Variants in ZNF248 observed in about 807,000 individuals in gnomAD.
ZNF248 encodes zinc finger protein 248.
ZNF248 carries 20 observed loss-of-function variants against 44.3 expected under a neutral mutation model. The observed-to-expected ratio is 0.45, with a 90% CI of 0.32 to 0.66. ZNF248 has a LOEUF of 0.66. Among genes scored for constraint, ZNF248 ranks in the 30% least tolerant of loss-of-function variants. ZNF248 has a pLI of 0.04. For missense variants in ZNF248, 654 were observed against 677.0 expected (o/e 0.97, Z 0.38); for synonymous variants, 224 against 229.0 (o/e 0.98, Z 0.20).
chr10:37,810,428 CTTT>C (rs1356239722), intron 6 of ZNF248, among the ~76,000 whole-genome samples: 1 of 152,082 alleles, frequency 6.6e-6, no homozygotes, highest in African/African-American at 2.4e-5. Context: ...CAATATCCTT[CTTT>C]ATCTCTTGTG....
In ZNF248 at chr10:37,832,117, C is replaced by CA; in HGVS notation, c.1237dup (p.Cys413LeufsTer25). 1 of 1,613,984 alleles carries CA rather than the reference C, an allele frequency of 6.2e-7. No individual in the cohort carries two copies. The highest frequency in any genetic ancestry group is 1.1e-5 in the South Asian group (1 of 91,074). ...TGGTTTCTGGCAAAAGGCTTTCCCA[C>CA]ATTCAGTACATTCATAGGGCTTCTC... On this transcript the variant is annotated frameshift_variant, in exon 6 of 6. Transcript: ENST00000395867. LOFTEE classifies it high-confidence loss of function.
chr10:37,822,425 T>A (rs969394589), intron 6 of ZNF248, among the ~76,000 whole-genome samples: 12 of 151,916 alleles, frequency 7.9e-5, no homozygotes, highest in Non-Finnish European at 1.3e-4. Context: ...TGAAAAAAAA[T>A]TCAGAAAACA....
chr10:37,835,818 T>C (rs963086142), intron 5 of ZNF248, among the ~76,000 whole-genome samples: 1 of 152,198 alleles, frequency 6.6e-6, no homozygotes, highest in African/African-American at 2.4e-5. Flanking sequence ...TCTGCCTCAT[T>C]CCTTTAACAT....
intron 6 of ZNF248, among the ~76,000 whole-genome samples, chr10:37,822,181 A>C (rs1564535616): frequency 6.6e-6 from 1 of 152,214 alleles, no homozygotes; most frequent in Admixed American, 6.5e-5. Context: ...CTCTCCCTGG[A>C]GGCCTTGCCC....
chr10:37,771,804 C>G (rs1214638722), downstream of ZNF248, among the ~76,000 whole-genome samples: 1 of 151,974 alleles, frequency 6.6e-6, no homozygotes, highest in African/African-American at 2.4e-5. Context: ...AAAAAACAAT[C>G]GATGCACACC....
chr10:37,847,881 T>C (rs948738377), intron 3 of ZNF248, among the ~76,000 whole-genome samples: 2 of 152,182 alleles, frequency 1.3e-5, no homozygotes, highest in African/African-American at 4.8e-5. Flanking sequence ...TTTGTGTAAG[T>C]TTGCAATTTT....
chr10:37,791,331 C>T (rs906238403), intron 6 of ZNF248, among the ~76,000 whole-genome samples: 3 of 151,886 alleles, frequency 2.0e-5, no homozygotes, highest in Non-Finnish European at 2.9e-5. Flanking sequence ...TGTGAGCCAC[C>T]GTGCCCGGCC....
At chr10:37,793,278 TGA>T (rs2048773843) in intron 6 of ZNF248, among the ~76,000 whole-genome samples, 1 of 152,004 alleles carries the variant, frequency 6.6e-6, no homozygotes. Flanking sequence ...GAGGTTGCAG[TGA>T]GCCGAGATCA....
chr10:37,766,645 C>A, the ZNF248 span, among the ~76,000 whole-genome samples: 1 of 152,222 alleles, frequency 6.6e-6, no homozygotes, highest in Admixed American at 6.5e-5. Context: ...CATCAAAGAC[C>A]AAAAGTAGAT....
chr10:37,764,567 G>A, the ZNF248 span, among the ~76,000 whole-genome samples: 1 of 152,068 alleles, frequency 6.6e-6, no homozygotes, highest in African/African-American at 2.4e-5. Context: ...TTTGTGGCCT[G>A]GGGGCATCAC....
chr10:37,826,363 C>T (rs539506766), downstream of ZNF248, among the ~76,000 whole-genome samples: 6 of 152,238 alleles, frequency 3.9e-5, no homozygotes, highest in South Asian at 8.3e-4. Flanking sequence ...GTGGTAAAGT[C>T]ATGTCAGTGA....
At chr10:37,848,621 C>G (rs566469884) in intron 3 of ZNF248, among the ~76,000 whole-genome samples, 1 of 151,950 alleles carries the variant, frequency 6.6e-6, no homozygotes, top group Admixed American at 6.6e-5. Context: ...GGGAAGGAGC[C>G]CCTCAGCAGA....
chr10:37,848,114 C>CA (rs201495203), intron 3 of ZNF248, among the ~76,000 whole-genome samples: 254 of 150,968 alleles, frequency 1.7e-3, no homozygotes, highest in African/African-American at 5.8e-3. Context: ...TACTAAAATA[C>CA]AAAAAAAAAT....
At chr10:37,790,658 C>T (rs1483370719) in intron 6 of ZNF248, among the ~76,000 whole-genome samples, 3 of 151,550 alleles carry the variant, frequency 2.0e-5, no homozygotes, top group Admixed American at 6.6e-5. Context: ...TGCAGTGAGC[C>T]GAGATGGCAT....
At chr10:37,801,048 C>T (rs2049749930) in intron 6 of ZNF248, among the ~76,000 whole-genome samples, 1 of 151,846 alleles carries the variant, frequency 6.6e-6, no homozygotes, top group South Asian at 2.1e-4. Context: ...AGACATGAGC[C>T]ACTGTGCCCG....
At chr10:37,766,955 G>T in the ZNF248 span, among the ~76,000 whole-genome samples, 1 of 152,172 alleles carries the variant, frequency 6.6e-6, no homozygotes, top group Non-Finnish European at 1.5e-5. Context: ...GAAAGCCAAG[G>T]CTCGAGAACT....
Position 37,831,464 on chromosome 10 carries a change from T to A in ZNF248, c.*151A>T. ...ATAGAATTCCCCTCAGTACAAATTT[T>A]CTAATGAAAAGTTTTAATTTTTCTT... On this transcript the variant is annotated 3_prime_UTR_variant, in exon 6 of 6. Coordinates refer to ENST00000395867, the MANE Select transcript of ZNF248 (RefSeq NM_021045.3). 6.9e-7 allele frequency: 1 copy of A among 1,459,680 alleles called. No individual in the cohort carries two copies. The highest frequency in any genetic ancestry group is 9.0e-7 in the Non-Finnish European group (1 of 1,107,868). 90.4% of individuals were successfully genotyped at this position (1,459,680 alleles called of 1,614,324 possible).
At chr10:37,853,624 C>T (rs1361030023) in intron 3 of ZNF248, among the ~76,000 whole-genome samples, 1 of 152,168 alleles carries the variant, frequency 6.6e-6, no homozygotes, top group Non-Finnish European at 1.5e-5. Flanking sequence ...AGGTAATCCA[C>T]CCACCTCGGC....
At chr10:37,813,672 C>T (rs1275276409) in intron 6 of ZNF248, among the ~76,000 whole-genome samples, 2 of 151,960 alleles carry the variant, frequency 1.3e-5, no homozygotes, top group Middle Eastern at 3.4e-3. Flanking sequence ...TGTTAATCAG[C>T]TGTTTATGTT....
Sources: allele counts gnomAD v4.1 joint callset (sites outside exome capture counted in the v4.1 genomes callset), GRCh38; gene constraint gnomAD v4.1.1; transcripts MANE v1.5; gene names NCBI Gene and HGNC (gene_info 2026-07-23, HGNC 2026-07-21).